The following GSG1L variants were observed in gnomAD, a reference collection of about 807,000 sequenced individuals.
GSG1L encodes the protein germ cell-specific gene 1-like protein.
In GSG1L, 24 loss-of-function variants were observed where a neutral mutation model predicts 42.1. The ratio of observed to expected loss-of-function variants is 0.57; its 90% CI spans 0.41 to 0.80. The LOEUF is 0.80. Among genes scored for constraint, GSG1L ranks in the 30% least tolerant of loss-of-function variants. The pLI is 0.00. For synonymous variants in GSG1L, 215 were observed against 203.5 expected (o/e 1.06, Z -0.48); for missense variants, 445 against 472.2 (o/e 0.94, Z 0.53).
chr16:28,030,810 T>C (rs1206819428), intron 1 of GSG1L, among the ~76,000 whole-genome samples: 63 of 62,992 alleles, frequency 1.0e-3, no homozygotes, highest in Admixed American at 1.6e-3. Flanking sequence ...AGATAAGTTG[T>C]ATTGGGATGG....
At chr16:27,914,606 C>T (rs2084430123) in intron 2 of GSG1L, among the ~76,000 whole-genome samples, 1 of 151,256 alleles carries the variant, frequency 6.6e-6, no homozygotes, top group African/African-American at 2.4e-5. Flanking sequence ...TCACTGCAGC[C>T]TCGACCTCCC....
rs112977630 is a variant in GSG1L at position 28,046,578 on chromosome 16, T to C, written c.349+16498A>G. On this transcript the variant is annotated intron_variant, in intron 1 of 6. Transcript: ENST00000447459. ...ACCGTGTTAGCCAGGATGGTCTCGATCTCCTGACCTCATGATCCGCCTGCC... is the reference window on the plus strand; with the variant it reads ...ACCGTGTTAGCCAGGATGGTCTCGACCTCCTGACCTCATGATCCGCCTGCC... Among the ~76,000 whole-genome samples the C allele has an allele frequency of 9.8e-3, 1,491 of 152,004 alleles. 29 individuals carry two copies. Among genetic ancestry groups the C allele is most frequent in the African/African-American group, 0.034 (1,393 of 41,450 alleles).
At chr16:27,893,039 T>G (rs1190203136) in intron 2 of GSG1L, among the ~76,000 whole-genome samples, 1 of 152,060 alleles carries the variant, frequency 6.6e-6, no homozygotes, top group East Asian at 1.9e-4. Flanking sequence ...CTCGCCTTAG[T>G]GATGCCGGGA....
intron 5 of GSG1L, among the ~76,000 whole-genome samples, chr16:27,813,790 G>T (rs2083060803): frequency 6.6e-6 from 1 of 152,248 alleles, no homozygotes; most frequent in African/African-American, 2.4e-5. Flanking sequence ...ACACGGAGGG[G>T]ACAAGGGTAG....
intron 1 of GSG1L, among the ~76,000 whole-genome samples, chr16:28,062,638 C>G (rs2086355622): frequency 6.6e-6 from 1 of 152,144 alleles, no homozygotes; most frequent in Non-Finnish European, 1.5e-5. Flanking sequence ...GCAGGAGTCC[C>G]TGCATCACCC....
At chr16:27,995,252 A>G (rs766144099) in intron 1 of GSG1L, among the ~76,000 whole-genome samples, 8 of 152,220 alleles carry the variant, frequency 5.3e-5, no homozygotes, top group Non-Finnish European at 1.2e-4. Flanking sequence ...ATTCTCAGAC[A>G]CGAACGCCCT....
At position 27,807,832 on chromosome 16, in the gene GSG1L, C is replaced by G. The variant is rs59489871; in HGVS notation, c.831-278G>C. Among the ~76,000 whole-genome samples the G allele has an allele frequency of 5.0e-3, 756 of 152,206 alleles. 10 individuals are homozygous for G. Among genetic ancestry groups the G allele is most frequent in the African/African-American group, 0.017 (706 of 41,532 alleles). ...TTAGAGGCAGAATAGGAAGGCAAAC[C>G]CATCATTCTGTCAAAAAGAGGAAAA... On this transcript the variant is annotated intron_variant, in intron 5 of 6. Transcript: ENST00000447459.
chr16:27,852,888 A>T (rs2083531621), intron 3 of GSG1L, among the ~76,000 whole-genome samples: 1 of 152,048 alleles, frequency 6.6e-6, no homozygotes, highest in Non-Finnish European at 1.5e-5. Flanking sequence ...GGGACTTGCC[A>T]GGGCGCTGAG....
chr16:27,876,654 G>A (rs2083891193), intron 3 of GSG1L, among the ~76,000 whole-genome samples: 1 of 152,190 alleles, frequency 6.6e-6, no homozygotes, highest in South Asian at 2.1e-4. Flanking sequence ...GAGGATGTGA[G>A]TATAGGCAAT....
Position 27,954,113 on chromosome 16 carries a change from G to A in GSG1L, c.397+9043C>T, listed in dbSNP as rs1342604281. ...AAGTGTCCAGGAGGCAGTTGGAGGT[G>A]GAATCTAGAGCTCAGGAGAGAGACC... On this transcript the variant is annotated intron_variant, in intron 2 of 6. Transcript: ENST00000447459. Among the ~76,000 whole-genome samples the A allele has an allele frequency of 2.0e-5, 3 of 152,176 alleles. No individual in the cohort carries two copies. The East Asian group carries it at 5.8e-4, about 29-fold the overall frequency.
intron 3 of GSG1L, among the ~76,000 whole-genome samples, chr16:27,862,900 G>T (rs1461023409): frequency 6.6e-6 from 1 of 152,058 alleles, no homozygotes; most frequent in Non-Finnish European, 1.5e-5. Flanking sequence ...CTATATGTGT[G>T]TGCTTGAAAT....
chr16:27,890,766 G>T (rs2084116153), intron 2 of GSG1L, among the ~76,000 whole-genome samples: 1 of 152,244 alleles, frequency 6.6e-6, no homozygotes, highest in Non-Finnish European at 1.5e-5. Context: ...AGCTCAGACA[G>T]GTGGGGGGCA....
chr16:27,960,558 ACTTGTTCCCAGTGC>A (rs1454163852), intron 2 of GSG1L, among the ~76,000 whole-genome samples: 1 of 152,200 alleles, frequency 6.6e-6, no homozygotes, highest in African/African-American at 2.4e-5. Context: ...AACCCCGCAC[ACTTGTTCCCAGTGC>A]GGCTGGGAAC....
chr16:27,858,618 T>C (rs1013325602), intron 3 of GSG1L, among the ~76,000 whole-genome samples: 4 of 152,202 alleles, frequency 2.6e-5, no homozygotes, highest in Non-Finnish European at 5.9e-5. Context: ...AAGGAGCTGA[T>C]AGTCTTATGA....
At chr16:27,870,760 C>T (rs948133062) in intron 3 of GSG1L, among the ~76,000 whole-genome samples, 1 of 151,552 alleles carries the variant, frequency 6.6e-6, no homozygotes, top group Non-Finnish European at 1.5e-5. Flanking sequence ...CATCTGCATC[C>T]TCCATGACTC....
chr16:27,834,810 T>C (rs1347009818), intron 4 of GSG1L, among the ~76,000 whole-genome samples: 13 of 152,168 alleles, frequency 8.5e-5, no homozygotes, highest in Non-Finnish European at 2.9e-5. Context: ...CTCTCCTCTG[T>C]CCGCTCTCTC....
intron 2 of GSG1L, among the ~76,000 whole-genome samples, chr16:27,890,318 A>T (rs1375924675): frequency 6.6e-6 from 1 of 152,170 alleles, no homozygotes; most frequent in African/African-American, 2.4e-5. Flanking sequence ...TAGAGAAGGC[A>T]ATCTGGAGGA....
At chr16:27,891,107 C>T (rs895693965) in intron 2 of GSG1L, among the ~76,000 whole-genome samples, 2 of 152,152 alleles carry the variant, frequency 1.3e-5, no homozygotes, top group African/African-American at 4.8e-5. Flanking sequence ...GCCCCCATCC[C>T]CAGAAGCAGC....
At chr16:28,005,177 G>A (rs565247375) in intron 1 of GSG1L, among the ~76,000 whole-genome samples, 1 of 152,146 alleles carries the variant, frequency 6.6e-6, no homozygotes, top group South Asian at 2.1e-4. Flanking sequence ...GCAATGGTGC[G>A]ATCTCAGCTC....
Sources: gnomAD v4.1 joint callset for allele counts (sites outside exome capture counted in the v4.1 genomes callset) on GRCh38, gnomAD v4.1.1 for gene constraint, MANE v1.5 for transcripts, NCBI Gene and HGNC (gene_info 2026-07-23, HGNC 2026-07-21) for gene names.